The following URI1 variants were observed in gnomAD, a reference collection of about 807,000 sequenced individuals.
URI1 encodes URI1 prefoldin like chaperone.
In URI1, 39 loss-of-function variants were observed where a neutral mutation model predicts 60.2. That is an observed-to-expected ratio of 0.65 (90% CI 0.50 to 0.85). The LOEUF (loss-of-function observed/expected upper bound fraction) is 0.85. Among genes scored for constraint, URI1 ranks in the 40% least tolerant of loss-of-function variants. The probability of loss-of-function intolerance (pLI) is 0.00; values close to 1 mark genes in which losing one functional copy is unlikely to be tolerated. For missense variants in URI1, 691 were observed against 665.9 expected (o/e 1.04, Z -0.42); for synonymous variants, 251 against 236.8 (o/e 1.06, Z -0.55).
intron 10 of URI1, chr19:30,014,186 C>T (rs575904200): frequency 6.6e-6 from 1 of 152,078 alleles, no homozygotes; most frequent in Non-Finnish European, 1.5e-5. Flanking sequence ...TCCAGTTGAA[C>T]ATATAGTTGA....
At chr19:29,956,617 C>T in intron 1 of URI1, 7 of 1,498,894 alleles carry the variant, frequency 4.7e-6, no homozygotes, top group South Asian at 1.1e-5. Flanking sequence ...CATCTGAACC[C>T]TGCGGATGTA....
chr19:30,008,033 G>GA (rs1446267202), intron 7 of URI1, among the ~76,000 whole-genome samples: 1 of 151,910 alleles, frequency 6.6e-6, no homozygotes, highest in Admixed American at 6.6e-5. Flanking sequence ...AATGTGTTGT[G>GA]AAAAACAAAA....
intron 1 of URI1, among the ~76,000 whole-genome samples, chr19:29,935,011 G>A (rs1304372160): frequency 1.3e-5 from 2 of 152,126 alleles, no homozygotes; most frequent in South Asian, 4.1e-4. Flanking sequence ...TACATTTAAA[G>A]TAATTACCAA....
upstream of URI1, among the ~76,000 whole-genome samples, chr19:29,939,863 T>A (rs936463902): frequency 1.3e-5 from 2 of 152,000 alleles, no homozygotes; most frequent in Non-Finnish European, 2.9e-5. Context: ...GGTAGGGGGC[T>A]TGGTTGGAGG....
chr19:29,961,964 C>T (rs1003018082), intron 1 of URI1, among the ~76,000 whole-genome samples: 1 of 152,124 alleles, frequency 6.6e-6, no homozygotes, highest in African/African-American at 2.4e-5. Flanking sequence ...GGATTACAGG[C>T]GTGTGCCACT....
intron 1 of URI1, among the ~76,000 whole-genome samples, chr19:29,952,472 C>G (rs1371667864): frequency 1.3e-5 from 2 of 152,184 alleles, no homozygotes; most frequent in African/African-American, 4.8e-5. Context: ...TTTTAACATT[C>G]ACTAAGTTCA....
intron 4 of URI1, among the ~76,000 whole-genome samples, chr19:29,991,220 A>G (rs1224523358): frequency 6.6e-6 from 1 of 152,170 alleles, no homozygotes; most frequent in Non-Finnish European, 1.5e-5. Flanking sequence ...TAACTATTAA[A>G]TCTTCCAGTG....
intron 3 of URI1, 85 bp downstream of exon 3, chr19:29,985,386 A>G: frequency 5.1e-6 from 6 of 1,168,164 alleles, no homozygotes; most frequent in Non-Finnish European, 7.5e-6. Context: ...TGTCAGGCTG[A>G]TGGACTGTGT....
rs556921281 is a variant in URI1 at position 29,974,357 on chromosome 19, G to GT, written c.152+3137dup. Among the ~76,000 whole-genome samples the GT allele has an allele frequency of 1.0e-3, 159 of 151,802 alleles. 3 individuals are homozygous for GT. The highest frequency in any genetic ancestry group is 3.8e-3 in the African/African-American group (156 of 41,438). On this transcript the variant is annotated intron_variant, in intron 2 of 10. Transcript: ENST00000392271. ...TTCGTGAATATTTAGTGTTCATTCT[G>GT]TTTTTTTGTCATGATGGAGAGAGAG...
intron 10 of URI1, among the ~76,000 whole-genome samples, chr19:30,013,053 G>A (rs1434456666): frequency 2.0e-5 from 3 of 152,128 alleles, no homozygotes; most frequent in Non-Finnish European, 2.9e-5. Context: ...AAAAAATAGT[G>A]CACACTCAAT....
intron 1 of URI1, among the ~76,000 whole-genome samples, chr19:29,968,561 T>TTTTC: frequency 7.0e-5 from 9 of 128,468 alleles, no homozygotes; most frequent in African/African-American, 2.8e-4. Context: ...TTTACTAATT[T>TTTTC]TTTCTTTTTT....
chr19:29,956,999 A>C lies in URI1; in HGVS notation c.118-14194A>C, dbSNP rs1824842964. 3 of 738,216 alleles carry C rather than the reference A, an allele frequency of 4.1e-6. No homozygotes were observed. The African/African-American group carries it at 5.3e-5, about 13-fold the overall frequency. 45.7% of individuals were successfully genotyped at this position (738,216 alleles called of 1,614,324 possible). On this transcript the variant is annotated intron_variant, in intron 1 of 10. Coordinates refer to ENST00000392271, the MANE Select transcript of URI1 (RefSeq NM_003796.3). ...GAGAATGGTCTTCATTCTCACAGTA[A>C]ACGCAGCAAAAAAAAGTGGCCCAGA... is the stretch of plus-strand genomic sequence containing the variant.
intron 1 of URI1, chr19:29,956,305 T>TTA: frequency 3.1e-6 from 2 of 650,622 alleles, no homozygotes; most frequent in African/African-American, 1.9e-5. Flanking sequence ...TTTTTTTTTT[T>TTA]AAGAAGGTCC....
chr19:29,965,858 T>A (rs2055385568), intron 1 of URI1, among the ~76,000 whole-genome samples: 1 of 152,256 alleles, frequency 6.6e-6, no homozygotes, highest in Non-Finnish European at 1.5e-5. Context: ...CAGAGCACGT[T>A]AGACATAGTC....
At chr19:29,934,439 T>C (rs2145203223) in intron 1 of URI1, among the ~76,000 whole-genome samples, 1 of 152,360 alleles carries the variant, frequency 6.6e-6, no homozygotes. Flanking sequence ...GCAGGGTTGA[T>C]ATTTTCTCAG....
chr19:29,975,249 T>C (rs1310593776), intron 2 of URI1, among the ~76,000 whole-genome samples: 1 of 152,298 alleles, frequency 6.6e-6, no homozygotes, highest in Admixed American at 6.5e-5. Context: ...TTTTGACTTT[T>C]TAATAAAAAC....
In URI1 at chr19:29,927,050, C is replaced by T. The variant is rs551881671; in HGVS notation, c.63+3296C>T. The stretch of plus-strand genomic sequence containing the variant: ...GAGACTCCAGCTGCAGTGTGGAGGA[C>T]AGCCTGGGGTGGGAGATGGGAGGCA... On this transcript the variant is annotated intron_variant, in intron 1 of 10. Coordinates refer to the URI1 transcript ENST00000360605. 5.9e-5 allele frequency among the ~76,000 whole-genome samples: 9 copies of T among 152,284 alleles called. 3 individuals are homozygous for T. The highest frequency in any genetic ancestry group is 1.9e-4 in the African/African-American group (8 of 41,564).
intron 1 of URI1, among the ~76,000 whole-genome samples, chr19:29,960,830 G>A (rs1334902038): frequency 6.6e-6 from 1 of 151,838 alleles, no homozygotes; most frequent in African/African-American, 2.4e-5. Flanking sequence ...AAAAATTGTA[G>A]TAAATATAAC....
chr19:29,931,931 T>TGTGC (rs1356372812), intron 1 of URI1, among the ~76,000 whole-genome samples: 1 of 151,682 alleles, frequency 6.6e-6, no homozygotes, highest in African/African-American at 2.4e-5. Flanking sequence ...TGTGTGTGTG[T>TGTGC]GTGTGTGTGT....
Sources: gnomAD v4.1 joint callset for allele counts (sites outside exome capture counted in the v4.1 genomes callset) on GRCh38, gnomAD v4.1.1 for gene constraint, MANE v1.5 for transcripts, NCBI Gene and HGNC (gene_info 2026-07-23, HGNC 2026-07-21) for gene names.